MEIS2: variants seen among roughly 807,000 people sequenced by gnomAD.
The protein encoded by MEIS2 is homeobox protein Meis2.
Under a neutral mutation model 58.6 loss-of-function variants are expected in MEIS2, and 9 were observed. The observed-to-expected ratio is 0.15, with a 90% CI of 0.09 to 0.27. The LOEUF (loss-of-function observed/expected upper bound fraction) is 0.27, where lower values mean the gene tolerates loss of function less well. Among genes scored for constraint, MEIS2 ranks in the 10% least tolerant of loss-of-function variants. MEIS2 has a pLI of 1.00. For synonymous variants in MEIS2, 221 were observed against 228.4 expected (o/e 0.97, Z 0.29); for missense variants, 427 against 635.0 (o/e 0.67, Z 3.52).
chr15:37,079,107 C>T (rs1281422698), intron 7 of MEIS2, among the ~76,000 whole-genome samples: 1 of 151,822 alleles, frequency 6.6e-6, no homozygotes, highest in Non-Finnish European at 1.5e-5. Context: ...TAAAGAATGG[C>T]ATTATTTTAA....
Position 36,891,991 on chromosome 15 carries a change from C to T in MEIS2, c.*182G>A. The T allele has an allele frequency of 1.5e-6, 1 of 670,088 alleles. No homozygotes were observed. The highest frequency in any genetic ancestry group is 2.6e-6 in the Non-Finnish European group (1 of 386,360). 41.5% of individuals were successfully genotyped at this position (670,088 alleles called of 1,614,324 possible). A position where few individuals can be genotyped will look rare whatever the true frequency, so the allele number is the denominator to read the frequency against. ...ACATGGACAGAATTGTCTCAGTCAG[C>T]CCATGATTTCACATTTGTGTTCTTG... On this transcript the variant is annotated 3_prime_UTR_variant, in exon 12 of 12. Transcript: ENST00000561208.
intron 7 of MEIS2, among the ~76,000 whole-genome samples, chr15:37,052,778 T>C (rs558266768): frequency 1.8e-4 from 27 of 152,326 alleles, no homozygotes; most frequent in African/African-American, 5.3e-4. Context: ...AAAAACACAT[T>C]TGCTTTATAA....
rs1432117295 is a variant in MEIS2 at position 37,016,336 on chromosome 15, T to G, written c.900+20478A>C. ...TGTTCTTTTTTCTATTTGCAGTGTT[T>G]TTTTTTTTTAACTCTACATTTTCTT... On this transcript the variant is annotated intron_variant, in intron 8 of 11. Transcript: ENST00000561208. Among the ~76,000 whole-genome samples, 3 of 144,594 alleles carry G rather than the reference T, an allele frequency of 2.1e-5. No individual in the cohort carries two copies. The East Asian group carries it at 5.8e-4, about 28-fold the overall frequency. 94.9% of individuals were successfully genotyped at this position (144,594 alleles called of 152,430 possible). A position where few individuals can be genotyped will look rare whatever the true frequency, so the allele number is the denominator to read the frequency against.
At chr15:37,081,145 T>C (rs1056411585) in intron 7 of MEIS2, among the ~76,000 whole-genome samples, 1 of 152,242 alleles carries the variant, frequency 6.6e-6, no homozygotes, top group Non-Finnish European at 1.5e-5. Flanking sequence ...TATGAAAACA[T>C]TGTATTTAGT....
At chr15:37,082,344 C>T (rs189048567) in intron 7 of MEIS2, among the ~76,000 whole-genome samples, 34 of 152,120 alleles carry the variant, frequency 2.2e-4, no homozygotes, top group African/African-American at 4.8e-5. Flanking sequence ...CTCTTTTATA[C>T]AATGTTTAGA....
chr15:37,039,254 A>G (rs1234226251), intron 7 of MEIS2, among the ~76,000 whole-genome samples: 1 of 152,244 alleles, frequency 6.6e-6, no homozygotes, highest in African/African-American at 2.4e-5. Flanking sequence ...TGTACATTTC[A>G]GATAATGTAT....
intron 9 of MEIS2, 61 bp from the exon 10 acceptor site, chr15:36,896,747 T>A: frequency 2.3e-6 from 3 of 1,303,648 alleles, no homozygotes; most frequent in Non-Finnish European, 2.2e-6. Context: ...CGAACACCTT[T>A]GCATGAATGC....
chr15:36,939,029 A>G (rs993258339), intron 9 of MEIS2, among the ~76,000 whole-genome samples: 5 of 152,172 alleles, frequency 3.3e-5, no homozygotes, highest in Non-Finnish European at 7.3e-5. Flanking sequence ...CATCAGGCAG[A>G]GCTGGTTCCT....
intron 7 of MEIS2, among the ~76,000 whole-genome samples, chr15:37,038,525 G>C (rs2062258926): frequency 6.6e-6 from 1 of 152,202 alleles, no homozygotes; most frequent in Non-Finnish European, 1.5e-5. Flanking sequence ...ACATGGAAGA[G>C]ATGACCCTCA....
At chr15:36,974,671 T>G (rs770950581) in intron 8 of MEIS2, among the ~76,000 whole-genome samples, 1 of 152,190 alleles carries the variant, frequency 6.6e-6, no homozygotes. Flanking sequence ...GTAAGCTAAA[T>G]CCAGTATCAG....
At position 37,000,392 on chromosome 15, in the gene MEIS2, A is replaced by G. The variant is rs187725717; in HGVS notation, c.900+36422T>C. On this transcript the variant is annotated intron_variant, in intron 8 of 11. Coordinates refer to ENST00000561208, the MANE Select transcript of MEIS2 (RefSeq NM_170675.5). ...TTTACCACCATTACCCAAGCTTGCC[A>G]GCCTCAACTGCAGTGAGAAGATTTA... 3.5e-3 allele frequency among the ~76,000 whole-genome samples: 535 copies of G among 152,260 alleles called. 3 individuals are homozygous for G. Among genetic ancestry groups the G allele is most frequent in the Non-Finnish European group, 5.7e-3 (386 of 68,014 alleles).
chr15:36,995,595 C>T (rs2060447179), intron 8 of MEIS2, among the ~76,000 whole-genome samples: 1 of 132,216 alleles, frequency 7.6e-6, no homozygotes, highest in East Asian at 2.4e-4. Flanking sequence ...CCATTACGTT[C>T]TTTTCTTTCA....
chr15:37,090,068 T>A (rs1251171457), intron 6 of MEIS2, among the ~76,000 whole-genome samples: 1 of 152,156 alleles, frequency 6.6e-6, no homozygotes, highest in South Asian at 2.1e-4. Context: ...TAACATGAAC[T>A]GCAGCTGGAA....
At chr15:36,995,092 T>C (rs1471927562) in intron 8 of MEIS2, among the ~76,000 whole-genome samples, 1 of 152,214 alleles carries the variant, frequency 6.6e-6, no homozygotes, top group Admixed American at 6.5e-5. Flanking sequence ...ATCGAGTTAT[T>C]ACATGCCAGT....
At chr15:37,086,967 T>C (rs1303881536) in intron 6 of MEIS2, among the ~76,000 whole-genome samples, 3 of 152,198 alleles carry the variant, frequency 2.0e-5, no homozygotes, top group Non-Finnish European at 4.4e-5. Context: ...CTTTCTTCTA[T>C]TCTTCCCCTT....
At chr15:36,895,110 C>CA in intron 11 of MEIS2, 41 bp downstream of exon 11, 1 of 1,533,792 alleles carries the variant, frequency 6.5e-7, no homozygotes, top group Admixed American at 1.7e-5. Flanking sequence ...GAGCAGGTGG[C>CA]ACTTCCCAGG....
chr15:36,995,361 C>CT (rs951624615), intron 8 of MEIS2, among the ~76,000 whole-genome samples: 2 of 152,154 alleles, frequency 1.3e-5, no homozygotes, highest in Admixed American at 6.5e-5. Context: ...TTCAAATGAA[C>CT]TATGAAAGTG....
chr15:36,893,185 T>C (rs568909965), intron 11 of MEIS2, among the ~76,000 whole-genome samples: 1 of 152,364 alleles, frequency 6.6e-6, no homozygotes, highest in East Asian at 1.9e-4. Flanking sequence ...ATGAGTTAAA[T>C]GGTGGGAAGT....
intron 8 of MEIS2, among the ~76,000 whole-genome samples, chr15:37,032,437 G>A (rs1049737500): frequency 1.3e-5 from 2 of 152,164 alleles, no homozygotes; most frequent in Admixed American, 1.3e-4. Context: ...TATCTTTGAA[G>A]TCAAATAAAA....
Sources: allele counts gnomAD v4.1 joint callset (sites outside exome capture counted in the v4.1 genomes callset), GRCh38; gene constraint gnomAD v4.1.1; transcripts MANE v1.5; gene names NCBI Gene and HGNC (gene_info 2026-07-23, HGNC 2026-07-21).